Variants in GABRG1 observed in about 807,000 individuals in gnomAD.
The protein encoded by GABRG1 is gamma-aminobutyric acid receptor subunit gamma-1.
In GABRG1, 49 loss-of-function variants were observed where a neutral mutation model predicts 49.8. The observed-to-expected ratio is 0.98, with a 90% CI of 0.78 to 1.25. The LOEUF is 1.25. GABRG1 is among the 50% of genes most tolerant of loss of function. The pLI, the probability that GABRG1 is intolerant of heterozygous loss-of-function variation, is 0.00. For synonymous variants in GABRG1, 232 were observed against 185.1 expected (o/e 1.25, Z -2.06); for missense variants, 552 against 552.3 (o/e 1.00, Z 0.01).
At chr4:46,067,432 T>C (rs1395744333) in intron 3 of GABRG1, among the ~76,000 whole-genome samples, 1 of 152,144 alleles carries the variant, frequency 6.6e-6, no homozygotes, top group African/African-American at 2.4e-5. Context: ...ATTCATATAA[T>C]GAAGTAATGT....
At chr4:46,088,882 G>A (rs937878723) in intron 2 of GABRG1, among the ~76,000 whole-genome samples, 1 of 149,820 alleles carries the variant, frequency 6.7e-6, no homozygotes, top group Non-Finnish European at 1.5e-5. Flanking sequence ...TTGAAGGCTG[G>A]TTTCTCATTC....
At chr4:46,097,543 ATTCT>A (rs1198473048) in intron 1 of GABRG1, among the ~76,000 whole-genome samples, 194 bp from the exon 2 acceptor site, 1 of 151,354 alleles carries the variant, frequency 6.6e-6, no homozygotes, top group Non-Finnish European at 1.5e-5. Context: ...AAAAATGAGA[ATTCT>A]GTGCAAGAAA....
At chr4:46,079,237 G>A (rs777791235) in intron 3 of GABRG1, among the ~76,000 whole-genome samples, 4 of 151,756 alleles carry the variant, frequency 2.6e-5, no homozygotes, top group Non-Finnish European at 4.4e-5. Flanking sequence ...TCACCCCTTT[G>A]TAGTCCTCTC....
chr4:46,117,578 C>CTCTCTTTCTG (rs1553884374), intron 1 of GABRG1, among the ~76,000 whole-genome samples: 93 of 143,438 alleles, frequency 6.5e-4, no homozygotes, highest in African/African-American at 2.4e-3. Flanking sequence ...CTCTCTCTCT[C>CTCTCTTTCTG]TCTGTCTCTC....
chr4:46,064,627 T>G (rs1464155329), intron 4 of GABRG1, 104 bp from the exon 5 acceptor site: 1 of 498,878 alleles, frequency 2.0e-6, no homozygotes, highest in African/African-American at 2.0e-5. Flanking sequence ...GATAATAGAT[T>G]GTGACCTATT....
At chr4:46,093,264 T>C (rs1276774079) in intron 2 of GABRG1, among the ~76,000 whole-genome samples, 3 of 151,886 alleles carry the variant, frequency 2.0e-5, no homozygotes, top group Non-Finnish European at 4.4e-5. Context: ...TTGAGTACCA[T>C]TCACCCACAA....
intron 8 of GABRG1, among the ~76,000 whole-genome samples, chr4:46,045,782 G>A (rs1296852145): frequency 6.6e-6 from 1 of 151,898 alleles, no homozygotes; most frequent in Non-Finnish European, 1.5e-5. Context: ...GGCCAGGATG[G>A]ACTCAATCTC....
At position 46,036,435 on chromosome 4, in the gene GABRG1, AT is replaced by A. The variant is rs1169593375; in HGVS notation, c.*4552del. The A allele has an allele frequency of 6.6e-6, 1 of 151,918 alleles. No individual in the cohort carries two copies. Among genetic ancestry groups the A allele is most frequent in the Admixed American group, 6.6e-5 (1 of 15,214 alleles). The allele number at this position is 151,918 out of a possible 1,614,324, so 9.4% of individuals were successfully genotyped here. On this transcript the variant is annotated 3_prime_UTR_variant, in exon 9 of 9. Coordinates refer to ENST00000295452, the MANE Select transcript of GABRG1 (RefSeq NM_173536.4). ...CACTTTAGGATTTACATTTCAGATT[AT>A]TTTTTTCTTCATCTTTTATGTGTGA... is the stretch of plus-strand genomic sequence containing the variant.
rs1203200692 is a variant in GABRG1 at position 46,037,615 on chromosome 4, T to C, written c.*3373A>G. The C allele has an allele frequency of 6.6e-6, 1 of 151,774 alleles. No individual in the cohort carries two copies. The highest frequency in any genetic ancestry group is 1.5e-5 in the Non-Finnish European group (1 of 67,842). The allele number at this position is 151,774 out of a possible 1,614,324, so 9.4% of individuals were successfully genotyped here. On this transcript the variant is annotated 3_prime_UTR_variant, in exon 9 of 9. Coordinates refer to ENST00000295452, the MANE Select transcript of GABRG1 (RefSeq NM_173536.4). ...AAAACCAATGAAATAATTTCAAATG[T>C]AGTATTTTTTTACAGGAAATTTTGT...
At chr4:46,083,693 T>A (rs1010261991) in intron 3 of GABRG1, among the ~76,000 whole-genome samples, 11 of 151,146 alleles carry the variant, frequency 7.3e-5, no homozygotes, top group Middle Eastern at 3.4e-3. Context: ...GACTTCCTGA[T>A]TTTTTTTCTT....
chr4:46,083,296 CTGTA>C (rs1560363718), intron 3 of GABRG1, among the ~76,000 whole-genome samples: 5 of 151,650 alleles, frequency 3.3e-5, no homozygotes, highest in African/African-American at 1.2e-4. Context: ...ACACAATAAC[CTGTA>C]ATGGGTCTCT....
chr4:46,079,118 TG>T (rs1719469084), intron 3 of GABRG1, among the ~76,000 whole-genome samples: 1 of 151,782 alleles, frequency 6.6e-6, no homozygotes, highest in South Asian at 2.1e-4. Context: ...TTTCGTTTTC[TG>T]TTAAAAAAGA....
chr4:46,084,023 TA>T lies in GABRG1; in HGVS notation c.283del (p.Tyr95MetfsTer2). 1 of 1,585,994 alleles carries T rather than the reference TA, an allele frequency of 6.3e-7. No homozygotes were observed. The highest frequency in any genetic ancestry group is 8.6e-7 in the Non-Finnish European group (1 of 1,160,334). Reference sequence around the variant, plus strand: ...ATCAACTGGTCCAATGCTGTTTACATAAACATCAGTTTCAATTACTGTGGGC... The same window carrying T: ...ATCAACTGGTCCAATGCTGTTTACATAACATCAGTTTCAATTACTGTGGGC... ...VRPTVIETDV[Y>X]VNSIGPVDPI... is the part of the protein sequence containing the mutation. On this transcript the variant is annotated frameshift_variant, in exon 3 of 9. Coordinates refer to ENST00000295452, the MANE Select transcript of GABRG1 (RefSeq NM_173536.4). LOFTEE classifies it high-confidence loss of function.
intron 3 of GABRG1, among the ~76,000 whole-genome samples, chr4:46,076,516 T>A (rs1719339779): frequency 6.6e-6 from 1 of 150,976 alleles, no homozygotes. Context: ...AAATTAGGAA[T>A]CATAAGAGTA....
At chr4:46,097,031 A>T (rs1038914119) in intron 2 of GABRG1, among the ~76,000 whole-genome samples, 170 bp downstream of exon 2, 4 of 151,534 alleles carry the variant, frequency 2.6e-5, no homozygotes, top group African/African-American at 9.7e-5. Context: ...CTTATTTCAG[A>T]CTGTGAACTC....
At chr4:46,106,398 T>C (rs1720547703) in intron 1 of GABRG1, among the ~76,000 whole-genome samples, 1 of 151,424 alleles carries the variant, frequency 6.6e-6, no homozygotes, top group African/African-American at 2.4e-5. Context: ...TTGGTTTGTC[T>C]AAGTGCAATT....
chr4:46,108,576 G>T (rs896123010), intron 1 of GABRG1, among the ~76,000 whole-genome samples: 1 of 150,830 alleles, frequency 6.6e-6, no homozygotes, highest in Non-Finnish European at 1.5e-5. Context: ...CACTATCCAC[G>T]AGTGTGGAGT....
intron 1 of GABRG1, among the ~76,000 whole-genome samples, chr4:46,122,776 T>G (rs1420505478): frequency 6.6e-6 from 1 of 152,164 alleles, no homozygotes; most frequent in Non-Finnish European, 1.5e-5. Context: ...TCATAATGAT[T>G]GTACTTTACT....
chr4:46,110,333 C>A (rs1303348255), intron 1 of GABRG1, among the ~76,000 whole-genome samples: 1 of 150,858 alleles, frequency 6.6e-6, no homozygotes, highest in South Asian at 2.1e-4. Flanking sequence ...CATAGTGAAC[C>A]CTGCTCTTTT....
Sources: allele counts gnomAD v4.1 joint callset (sites outside exome capture counted in the v4.1 genomes callset), GRCh38; gene constraint gnomAD v4.1.1; transcripts MANE v1.5; gene names NCBI Gene and HGNC (gene_info 2026-07-23, HGNC 2026-07-21).